Variants in SLX4IP observed in about 807,000 individuals in gnomAD.
SLX4IP encodes the protein SLX4 interacting protein.
A neutral mutation model predicts 32.9 loss-of-function variants in SLX4IP; 34 were observed. The observed-to-expected ratio is 1.03, with a 90% CI of 0.79 to 1.38. The LOEUF (loss-of-function observed/expected upper bound fraction) is 1.38. SLX4IP is among the 40% of genes most tolerant of loss of function. The pLI is 0.00. For missense variants in SLX4IP, 444 were observed against 479.0 expected, an observed-to-expected ratio of 0.93 and a Z score of 0.68; for synonymous variants, 172 against 171.7, an observed-to-expected ratio of 1.00 and a Z score of -0.01.
chr20:10,518,413 T>TTCC (rs2065869800), intron 2 of SLX4IP, among the ~76,000 whole-genome samples: 1 of 119,208 alleles, frequency 8.4e-6, no homozygotes, highest in Non-Finnish European at 1.8e-5. Context: ...CTTTCCTTCC[T>TTCC]TCCTTCCTTC....
At chr20:10,447,534 A>G (rs1449347615) in intron 1 of SLX4IP, among the ~76,000 whole-genome samples, 1 of 151,854 alleles carries the variant, frequency 6.6e-6, no homozygotes, top group Non-Finnish European at 1.5e-5. Flanking sequence ...TACATTTTCT[A>G]CTTGTTGCAA....
At chr20:10,485,296 A>G (rs1039388667) in intron 2 of SLX4IP, among the ~76,000 whole-genome samples, 10 of 152,042 alleles carry the variant, frequency 6.6e-5, no homozygotes, top group Admixed American at 1.3e-4. Flanking sequence ...CTCTCTATGC[A>G]GTTGAAAATC....
intron 6 of SLX4IP, among the ~76,000 whole-genome samples, chr20:10,612,640 G>A (rs1252773340): frequency 6.6e-6 from 1 of 152,066 alleles, no homozygotes; most frequent in Non-Finnish European, 1.5e-5. Flanking sequence ...CCGTCTCCCA[G>A]GTTCAAGCGA....
chr20:10,581,174 T>C (rs1209857977), intron 4 of SLX4IP, among the ~76,000 whole-genome samples: 2 of 151,866 alleles, frequency 1.3e-5, no homozygotes, highest in Non-Finnish European at 2.9e-5. Context: ...CAGAAGTAGG[T>C]GCTGGTGGTA....
chr20:10,447,793 T>G (rs1354241760), intron 1 of SLX4IP, among the ~76,000 whole-genome samples: 5 of 151,884 alleles, frequency 3.3e-5, no homozygotes, highest in Admixed American at 3.3e-4. Context: ...CTTGAACTCC[T>G]GGGCTCAAGT....
At chr20:10,554,270 A>G (rs1007878918) in intron 2 of SLX4IP, among the ~76,000 whole-genome samples, 8 of 152,216 alleles carry the variant, frequency 5.3e-5, no homozygotes, top group Admixed American at 2.0e-4. Flanking sequence ...AGATGAATAC[A>G]TGTTGAGTCT....
intron 2 of SLX4IP, among the ~76,000 whole-genome samples, chr20:10,548,827 C>A (rs186132722): frequency 1.3e-5 from 2 of 152,320 alleles, no homozygotes; most frequent in East Asian, 3.9e-4. Flanking sequence ...CCAAGTCTGG[C>A]ACACAAGCGC....
At position 10,560,769 on chromosome 20, in the gene SLX4IP, C is replaced by A; in HGVS notation, c.187C>A (p.His63Asn). Residue 63 changes from histidine to asparagine, a missense_variant, in exon 4 of 8, where the codon CAC (histidine) becomes AAC (asparagine). Coordinates refer to ENST00000334534, the MANE Select transcript of SLX4IP (RefSeq NM_001009608.3). ...VQEYLEVRKQ[H>N]RPSNAEFTRS... ...GGAGTACTTGGAAGTTCGCAAACAG[C>A]ACAGGCCATCAAATGCAGAATTCAC... 6.2e-7 allele frequency: 1 copy of A among 1,608,414 alleles called. No individual in the cohort carries two copies. The highest frequency in any genetic ancestry group is 8.5e-7 in the Non-Finnish European group (1 of 1,177,338).
At chr20:10,598,900 C>A in intron 5 of SLX4IP, 148 bp downstream of exon 5, 1 of 758,806 alleles carries the variant, frequency 1.3e-6, no homozygotes, top group Non-Finnish European at 2.3e-6. Context: ...GATTTCTTTC[C>A]TCCCACCTTG....
At position 10,456,563 on chromosome 20, in the gene SLX4IP, A is replaced by C. The variant is rs148691268; in HGVS notation, c.-29-1613A>C. Among the ~76,000 whole-genome samples, 565 of 152,130 alleles carry C rather than the reference A, an allele frequency of 3.7e-3. 4 individuals carry two copies. Among genetic ancestry groups the C allele is most frequent in the African/African-American group, 0.013 (549 of 41,486 alleles). ...CACCATGTTGGCCAGGCTGGTCTCG[A>C]ACTCCTGACCTCGTGATCTACCCGC... On this transcript the variant is annotated intron_variant, in intron 1 of 7. Transcript: ENST00000334534.
At chr20:10,581,348 A>C (rs2066584167) in intron 4 of SLX4IP, among the ~76,000 whole-genome samples, 2 of 152,172 alleles carry the variant, frequency 1.3e-5, no homozygotes, top group South Asian at 2.1e-4. Flanking sequence ...CTTAGATGTG[A>C]GAACCTTGGT....
At chr20:10,526,175 G>A (rs1191403996) in intron 2 of SLX4IP, among the ~76,000 whole-genome samples, 1 of 152,090 alleles carries the variant, frequency 6.6e-6, no homozygotes, top group African/African-American at 2.4e-5. Context: ...AGACTTCAGG[G>A]TTCTTCCCCA....
chr20:10,589,655 G>A (rs1321422820), intron 4 of SLX4IP, among the ~76,000 whole-genome samples: 2 of 152,168 alleles, frequency 1.3e-5, no homozygotes, highest in African/African-American at 4.8e-5. Context: ...GAATAAAAAC[G>A]GATTTCTAAA....
chr20:10,496,930 C>A (rs2065673028), intron 2 of SLX4IP, among the ~76,000 whole-genome samples: 1 of 152,158 alleles, frequency 6.6e-6, no homozygotes, highest in South Asian at 2.1e-4. Context: ...GTGACCTAGA[C>A]TTAGCACATT....
At chr20:10,579,851 C>T (rs538607237) in intron 4 of SLX4IP, among the ~76,000 whole-genome samples, 19 of 152,074 alleles carry the variant, frequency 1.2e-4, no homozygotes, top group African/African-American at 4.1e-4. Context: ...TTCTTCCCAG[C>T]AGGGTCAAAG....
chr20:10,621,198 T>C (rs1011802673), intron 6 of SLX4IP, 116 bp from the exon 7 acceptor site: 1 of 916,910 alleles, frequency 1.1e-6, no homozygotes, highest in Non-Finnish European at 1.7e-6. Context: ...CACTGAGCAG[T>C]TTCATTCAGT....
chr20:10,524,394 G>T (rs148116037), intron 2 of SLX4IP, among the ~76,000 whole-genome samples: 1 of 152,072 alleles, frequency 6.6e-6, no homozygotes, highest in Non-Finnish European at 1.5e-5. Flanking sequence ...TTGACCACCC[G>T]CCCTGCCTTA....
intron 1 of SLX4IP, among the ~76,000 whole-genome samples, chr20:10,456,962 G>A (rs2065290144): frequency 6.6e-6 from 1 of 151,978 alleles, no homozygotes; most frequent in South Asian, 2.1e-4. Context: ...TTATTCCTAA[G>A]TATTCTTTTT....
At chr20:10,584,511 A>C (rs912379657) in intron 4 of SLX4IP, among the ~76,000 whole-genome samples, 2 of 152,228 alleles carry the variant, frequency 1.3e-5, no homozygotes, top group East Asian at 3.8e-4. Flanking sequence ...CATACCAGTA[A>C]ATCAACAAAA....
Sources: allele counts gnomAD v4.1 joint callset (sites outside exome capture counted in the v4.1 genomes callset), GRCh38; gene constraint gnomAD v4.1.1; transcripts MANE v1.5; gene names NCBI Gene and HGNC (gene_info 2026-07-23, HGNC 2026-07-21).